The following DSCAM variants were observed in gnomAD, a reference collection of about 807,000 sequenced individuals.
The protein encoded by DSCAM is cell adhesion molecule DSCAM.
Under a neutral mutation model 217.7 loss-of-function variants are expected in DSCAM, and 47 were observed. That is an observed-to-expected ratio of 0.22 (90% confidence interval 0.17 to 0.28). The LOEUF (loss-of-function observed/expected upper bound fraction) is 0.28. Among genes scored for constraint, DSCAM ranks in the 10% least tolerant of loss-of-function variants. The pLI, the probability that DSCAM is intolerant of heterozygous loss-of-function variation, is 1.00. For missense variants in DSCAM, 2,080 were observed against 2,618.3 expected (o/e 0.79, Z 4.49); for synonymous variants, 1,056 against 1,015.3 (o/e 1.04, Z -0.76).
intron 19 of DSCAM, 56 bp from the exon 20 acceptor site, chr21:40,124,384 C>G: frequency 6.2e-7 from 1 of 1,604,028 alleles, no homozygotes; most frequent in South Asian, 1.1e-5. Context: ...GCTTGCGGAC[C>G]CACGCTTCCC....
intron 3 of DSCAM, among the ~76,000 whole-genome samples, chr21:40,409,411 C>A (rs1167983102): frequency 3.3e-5 from 5 of 152,164 alleles, no homozygotes; most frequent in African/African-American, 9.6e-5. Context: ...CTCTGCTTTT[C>A]CAGAGATGAC....
At chr21:40,606,956 C>T (rs2089247510) in intron 3 of DSCAM, among the ~76,000 whole-genome samples, 1 of 152,174 alleles carries the variant, frequency 6.6e-6, no homozygotes, top group Admixed American at 6.5e-5. Flanking sequence ...TGCTGCCATC[C>T]TTGTAAAACA....
At chr21:40,127,109 C>T (rs913100966) in intron 19 of DSCAM, among the ~76,000 whole-genome samples, 16 of 152,142 alleles carry the variant, frequency 1.1e-4, no homozygotes, top group Non-Finnish European at 2.1e-4. Context: ...AATAACTGTG[C>T]TGGCTTATGT....
intron 6 of DSCAM, among the ~76,000 whole-genome samples, chr21:40,346,749 A>G (rs2074561985): frequency 1.3e-5 from 2 of 152,222 alleles, no homozygotes. Context: ...AATTTCATTT[A>G]CTTAAATCTG....
chr21:40,131,413 C>T (rs1485291213), intron 19 of DSCAM, among the ~76,000 whole-genome samples: 1 of 152,134 alleles, frequency 6.6e-6, no homozygotes, highest in Admixed American at 6.6e-5. Context: ...CTTCTTCCAC[C>T]CAATCTTCAC....
At chr21:40,258,807 A>C (rs1030951045) in intron 11 of DSCAM, among the ~76,000 whole-genome samples, 13 of 152,228 alleles carry the variant, frequency 8.5e-5, no homozygotes, top group African/African-American at 3.1e-4. Context: ...CCTCTTTTAA[A>C]AAGTTCTAAG....
intron 11 of DSCAM, among the ~76,000 whole-genome samples, chr21:40,224,523 G>GC (rs1383965109): frequency 9.2e-5 from 14 of 152,278 alleles, no homozygotes; most frequent in African/African-American, 3.4e-4. Context: ...GATGGGAAGA[G>GC]CTCTATGATG....
At chr21:40,690,093 T>C (rs1028731444) in intron 3 of DSCAM, among the ~76,000 whole-genome samples, 1 of 152,128 alleles carries the variant, frequency 6.6e-6, no homozygotes, top group Non-Finnish European at 1.5e-5. Context: ...CAGAGAGAAA[T>C]ATAACCCTTC....
intron 14 of DSCAM, among the ~76,000 whole-genome samples, chr21:40,186,395 C>T (rs575049954): frequency 1.8e-4 from 27 of 152,220 alleles, no homozygotes; most frequent in South Asian, 1.5e-3. Context: ...TGGTGGTGCT[C>T]GAATTCCTCA....
intron 15 of DSCAM, among the ~76,000 whole-genome samples, chr21:40,171,167 G>A (rs531879963): frequency 5.3e-5 from 8 of 152,120 alleles, no homozygotes; most frequent in South Asian, 4.2e-4. Context: ...AACCTCTACC[G>A]CCCAGGTTCA....
chr21:40,431,899 C>T (rs1160197833), intron 3 of DSCAM, among the ~76,000 whole-genome samples: 1 of 152,164 alleles, frequency 6.6e-6, no homozygotes, highest in African/African-American at 2.4e-5. Context: ...AACTGATTCT[C>T]TTATAAATGT....
At chr21:40,821,137 C>CATATAT (rs5844044) in intron 1 of DSCAM, among the ~76,000 whole-genome samples, 4 of 138,266 alleles carry the variant, frequency 2.9e-5, no homozygotes, top group African/African-American at 1.1e-4. Flanking sequence ...TATATCTTCA[C>CATATAT]ATATATATAT....
intron 3 of DSCAM, among the ~76,000 whole-genome samples, chr21:40,391,945 G>C (rs907967175): frequency 6.6e-6 from 1 of 152,184 alleles, no homozygotes; most frequent in South Asian, 2.1e-4. Context: ...CCTCTCCAAG[G>C]GGGAAGCAGA....
intron 3 of DSCAM, among the ~76,000 whole-genome samples, chr21:40,598,996 T>C (rs979888409): frequency 5.9e-5 from 9 of 152,224 alleles, no homozygotes; most frequent in Non-Finnish European, 1.2e-4. Flanking sequence ...CTTCTGTGTC[T>C]TCTTAGGTGA....
chr21:40,558,904 A>C (rs964744434), intron 3 of DSCAM, among the ~76,000 whole-genome samples: 3 of 152,194 alleles, frequency 2.0e-5, no homozygotes, highest in African/African-American at 7.2e-5. Context: ...ATAAGCCCAC[A>C]AGTAGATCTG....
intron 3 of DSCAM, among the ~76,000 whole-genome samples, chr21:40,382,748 C>A (rs568625900): frequency 6.6e-6 from 1 of 152,164 alleles, no homozygotes; most frequent in Non-Finnish European, 1.5e-5. Flanking sequence ...TGTCACAGAG[C>A]CTTGCACTGT....
At chr21:40,758,819 G>T (rs117115269) in intron 1 of DSCAM, among the ~76,000 whole-genome samples, 650 of 152,150 alleles carry the variant, frequency 4.3e-3, no homozygotes, top group Non-Finnish European at 6.6e-3. Flanking sequence ...TGACACACTT[G>T]GTTCAAGAGA....
At chr21:40,639,689 A>G (rs941504471) in intron 3 of DSCAM, among the ~76,000 whole-genome samples, 4 of 150,282 alleles carry the variant, frequency 2.7e-5, no homozygotes, top group Non-Finnish European at 5.9e-5. Flanking sequence ...ATGTGTGTGC[A>G]TGTGTGTGTG....
chr21:40,638,535 AAGAT>A (rs2089836925), intron 3 of DSCAM, among the ~76,000 whole-genome samples: 2 of 152,182 alleles, frequency 1.3e-5, no homozygotes, highest in Non-Finnish European at 2.9e-5. Context: ...ATTTAAATAT[AAGAT>A]AGACAGTCAC....
Sources: gnomAD v4.1 joint callset for allele counts (sites outside exome capture counted in the v4.1 genomes callset) on GRCh38, gnomAD v4.1.1 for gene constraint, MANE v1.5 for transcripts, NCBI Gene and HGNC (gene_info 2026-07-23, HGNC 2026-07-21) for gene names.